PHOX2B: variants seen among roughly 807,000 people sequenced by gnomAD.
The protein encoded by PHOX2B is paired mesoderm homeobox protein 2B.
Under a neutral mutation model 15.5 loss-of-function variants are expected in PHOX2B, and 1 was observed. The observed-to-expected ratio is 0.06, with a 90% CI of 0.02 to 0.31. The LOEUF (loss-of-function observed/expected upper bound fraction) is 0.31, where lower values mean the gene tolerates loss of function less well. PHOX2B is among the 10% of genes least tolerant of loss of function. The pLI, the probability that PHOX2B is intolerant of heterozygous loss-of-function variation, is 1.00. For synonymous variants in PHOX2B, 206 were observed against 190.5 expected, an observed-to-expected ratio of 1.08 and a Z score of -0.67; for missense variants, 314 against 436.4, an observed-to-expected ratio of 0.72 and a Z score of 2.50.
rs1178229775 is a variant in PHOX2B, at chr4:41,748,625, A to G, written c.-15T>C. 2 of 1,612,348 alleles carry G rather than the reference A, an allele frequency of 1.2e-6. No homozygotes were observed. Among genetic ancestry groups the G allele is most frequent in the African/African-American group, 1.3e-5 (1 of 75,030 alleles). On this transcript the variant is annotated 5_prime_UTR_variant, in exon 1 of 3. Transcript: ENST00000226382. Reference sequence around the variant, plus strand: ...ATTTTATACATTGAAAAGGTTCTGGATGGCTCAGCCAAGTGGAAAAATGAA... The same window carrying G: ...ATTTTATACATTGAAAAGGTTCTGGGTGGCTCAGCCAAGTGGAAAAATGAA...
intron 2 of PHOX2B, 40 bp from the exon 3 acceptor site, chr4:41,746,362 G>C (rs989403264): frequency 6.2e-7 from 1 of 1,605,680 alleles, no homozygotes; most frequent in African/African-American, 1.3e-5. Flanking sequence ...AGCAGGGGGA[G>C]AAAGAAGAAA....
In PHOX2B at chr4:41,746,098, G is replaced by T. The variant is rs770437869; in HGVS notation, c.654C>A (p.Pro218=). ...CGANGGGGGG[P]SPAGAPGAAG... is the part of the protein sequence containing the mutation. ...CCGCCCCCGGAGCTCCAGCCGGGCT[G>T]GGCCCGCCGCCGCCGCCTCCATTCG... Residue 218 remains proline, a synonymous_variant, in exon 3 of 3, where the codon CCC becomes CCA. Transcript: ENST00000226382. The T allele has an allele frequency of 9.1e-5, 143 of 1,574,806 alleles. No individual in the cohort carries two copies. The highest frequency in any genetic ancestry group is 1.2e-4 in the Non-Finnish European group (135 of 1,167,240).
Position 41,745,322 on chromosome 4 carries a change from G to A in PHOX2B, c.*485C>T, listed in dbSNP as rs1733848854. Reference sequence around the variant, plus strand: ...GGCTTTTTGTTTTTTAATGGTTTCTGCCTTCCAACTTTTTTGTTTTTATTT... The same window carrying A: ...GGCTTTTTGTTTTTTAATGGTTTCTACCTTCCAACTTTTTTGTTTTTATTT... On this transcript the variant is annotated 3_prime_UTR_variant, in exon 3 of 3. Transcript: ENST00000226382. This position sits in a 1 kb window ranked among gnomAD's most constrained non-coding sequence, Gnocchi z 4.0. The A allele has an allele frequency of 4.3e-6, 1 of 233,900 alleles. No homozygotes were observed. Among genetic ancestry groups the A allele is most frequent in the Non-Finnish European group, 8.4e-6 (1 of 118,494 alleles). 14.5% of individuals were successfully genotyped at this position (233,900 alleles called of 1,614,324 possible).
chr4:41,748,116 T>C (rs1052147784), intron 1 of PHOX2B, among the ~76,000 whole-genome samples: 3 of 152,212 alleles, frequency 2.0e-5, no homozygotes, highest in African/African-American at 7.2e-5. Context: ...CATCGCAAAG[T>C]AAATAAATTA....
At chr4:41,747,831 G>C in intron 1 of PHOX2B, 1 of 595,988 alleles carries the variant, frequency 1.7e-6, no homozygotes, top group Non-Finnish European at 3.1e-6. Flanking sequence ...AAAAACCAGA[G>C]AGGAAAAAAA....
Position 41,747,785 on chromosome 4 carries a change from C to T in PHOX2B, c.242-249G>A, listed in dbSNP as rs534830507. 3 of 673,694 alleles carry T rather than the reference C, an allele frequency of 4.5e-6. No individual in the cohort carries two copies. In the African/African-American group the frequency reaches 5.3e-5, roughly 12 times the overall value. 41.7% of individuals were successfully genotyped at this position (673,694 alleles called of 1,614,324 possible). ...CGCCTTTGGGTGGATTGAAACAGCG[C>T]GATGTGACGGACTTGAGATAGTGCT... is the stretch of plus-strand genomic sequence containing the variant. On this transcript the variant is annotated intron_variant, in intron 1 of 2. Coordinates refer to ENST00000226382, the MANE Select transcript of PHOX2B (RefSeq NM_003924.4).
chr4:41,748,653 A>C lies in PHOX2B; in HGVS notation c.-43T>G. ...GCTCAGCCAAGTGGAAAAATGAAAT[A>C]AAAGATGGATATGGAGAAGGTGGCT... is the stretch of plus-strand genomic sequence containing the variant. On this transcript the variant is annotated 5_prime_UTR_variant, in exon 1 of 3. Transcript: ENST00000226382. The C allele has an allele frequency of 6.3e-7, 1 of 1,599,086 alleles. No individual in the cohort carries two copies. Among genetic ancestry groups the C allele is most frequent in the East Asian group, 2.2e-5 (1 of 44,778 alleles).
Position 41,746,097 on chromosome 4 carries a change from T to C in PHOX2B, c.655A>G (p.Ser219Gly), listed in dbSNP as rs1560465666. The C allele has an allele frequency of 1.9e-6, 3 of 1,571,436 alleles. No individual in the cohort carries two copies. Among genetic ancestry groups the C allele is most frequent in the East Asian group, 2.4e-5 (1 of 41,908 alleles). ...GANGGGGGGPSPAGAPGAAGP... is the reference protein window; with the variant it reads ...GANGGGGGGPGPAGAPGAAGP... ...GCCGCCCCCGGAGCTCCAGCCGGGC[T>C]GGGCCCGCCGCCGCCGCCTCCATTC... Residue 219 changes from serine to glycine, a missense_variant, in exon 3 of 3, where the codon AGC becomes GGC. Around this residue, in one of 7 missense-constraint regions of PHOX2B, gnomAD observed 157 missense variants for 169.0 expected, o/e 0.93. Transcript: ENST00000226382.
Position 41,745,777 on chromosome 4 carries a change from C to CCG in PHOX2B, c.*28_*29dup. 1 of 1,522,852 alleles carries CCG rather than the reference C, an allele frequency of 6.6e-7. No homozygotes were observed. Among genetic ancestry groups the CCG allele is most frequent in the Non-Finnish European group, 8.9e-7 (1 of 1,128,478 alleles). 94.3% of individuals were successfully genotyped at this position (1,522,852 alleles called of 1,614,324 possible). A position where few individuals can be genotyped will look rare whatever the true frequency, so the allele number is the denominator to read the frequency against. On this transcript the variant is annotated 3_prime_UTR_variant, in exon 3 of 3. Coordinates refer to ENST00000226382, the MANE Select transcript of PHOX2B (RefSeq NM_003924.4). The surrounding 1 kb of genome is among the most constrained non-coding windows in gnomAD (Gnocchi z 4.0). Reference sequence around the variant, plus strand: ...CCGGGCCCTGGCTCGCCCGCTGTCGCCGCCGCCGCCGCCGCCGCAGGATTC... The same window carrying CCG: ...CCGGGCCCTGGCTCGCCCGCTGTCGCCGCGCCGCCGCCGCCGCCGCAGGATTC...
chr4:41,748,067 T>C (rs749005952), intron 1 of PHOX2B, among the ~76,000 whole-genome samples: 1 of 152,230 alleles, frequency 6.6e-6, no homozygotes, highest in Non-Finnish European at 1.5e-5. Flanking sequence ...TAATGAGCTT[T>C]ACTCTTTGTT....
chr4:41,747,543 T>C lies in PHOX2B; in HGVS notation c.242-7A>G, dbSNP rs1194493882. The C allele has an allele frequency of 1.2e-6, 2 of 1,603,690 alleles. No individual in the cohort carries two copies. The highest frequency in any genetic ancestry group is 4.5e-5 in the East Asian group (2 of 44,848). On this transcript the variant is annotated splice_polypyrimidine_tract_variant and splice_region_variant and intron_variant, in intron 1 of 2. Coordinates refer to ENST00000226382, the MANE Select transcript of PHOX2B (RefSeq NM_003924.4). ...GTGAAGAGTTTGTAAGGAACTAGAG[T>C]ATGACAGAGGAGACAGAAAGTGAGC...
At chr4:41,748,130 C>G (rs559106228) in intron 1 of PHOX2B, among the ~76,000 whole-genome samples, 1 of 152,266 alleles carries the variant, frequency 6.6e-6, no homozygotes, top group Admixed American at 6.5e-5. Context: ...TAAATTATGC[C>G]TATCATTTTG....
rs1462979811 is a variant in PHOX2B, at chr4:41,746,208, C to T, written c.544G>A (p.Asp182Asn). ...GTGCTCTTGGCCTCTTTGCTCTCGT[C>T]GTCCCTGGAAGAGTCAGACTTTTTG... ...SGKKSDSSRD[D>N]ESKEAKSTDP... Residue 182 changes from aspartate (D) to asparagine (N), a missense_variant, in exon 3 of 3, where the codon GAC (aspartate) becomes AAC (asparagine). By Grantham distance (23) the Asp-to-Asn change is conservative. Transcript: ENST00000226382. The T allele has an allele frequency of 1.2e-6, 2 of 1,613,882 alleles. No individual in the cohort carries two copies. Among genetic ancestry groups the T allele is most frequent in the South Asian group, 1.1e-5 (1 of 91,090 alleles).
In PHOX2B at chr4:41,748,387, C is replaced by T; in HGVS notation, c.224G>A (p.Ser75Asn). 6.2e-7 allele frequency: 1 copy of T among 1,614,208 alleles called. No individual in the cohort carries two copies. Among genetic ancestry groups the T allele is most frequent in the South Asian group, 1.1e-5 (1 of 91,086 alleles). Residue 75 changes from serine (S) to asparagine (N), a missense_variant, in exon 1 of 3, where the codon AGC (serine) becomes AAC (asparagine). Transcript: ENST00000226382. ...CSLGTLRDHQ[S>N]SPYAAVPYKL... is the part of the protein sequence containing the mutation. Reference sequence around the variant, plus strand: ...GTCCTTACCTGCGGCGTACGGACTGCTCTGGTGGTCCCTGAGGGTGCCCAG... The same window carrying T: ...GTCCTTACCTGCGGCGTACGGACTGTTCTGGTGGTCCCTGAGGGTGCCCAG...
rs1733894415 is a variant in PHOX2B, at chr4:41,746,202, T to C, written c.550A>G (p.Ser184Gly). The part of the protein sequence containing the change: ...KKSDSSRDDE[S>G]KEAKSTDPDS... ...GGGTCAGTGCTCTTGGCCTCTTTGCTCTCGTCGTCCCTGGAAGAGTCAGAC... is the reference window on the plus strand; with the variant it reads ...GGGTCAGTGCTCTTGGCCTCTTTGCCCTCGTCGTCCCTGGAAGAGTCAGAC... Residue 184 changes from serine to glycine, a missense_variant, in exon 3 of 3, where the codon AGC becomes GGC. Coordinates refer to ENST00000226382, the MANE Select transcript of PHOX2B (RefSeq NM_003924.4). 9.3e-6 allele frequency: 15 copies of C among 1,613,644 alleles called. No homozygotes were observed. In the East Asian group the frequency reaches 3.3e-4, roughly 36 times the overall value.
rs2153113087 is a variant in PHOX2B, at chr4:41,748,606, T to C, written c.5A>G (p.Tyr2Cys). Residue 2 changes from tyrosine to cysteine, a missense_variant, in exon 1 of 3, where the codon TAT becomes TGT. Coordinates refer to ENST00000226382, the MANE Select transcript of PHOX2B (RefSeq NM_003924.4). Reference sequence around the variant, plus strand: ...ATTGAGGTAAGAATATTCCATTTTATACATTGAAAAGGTTCTGGATGGCTC... The same window carrying C: ...ATTGAGGTAAGAATATTCCATTTTACACATTGAAAAGGTTCTGGATGGCTC... M[Y>C]KMEYSYLNSS... is the part of the protein sequence containing the mutation. 6.2e-7 allele frequency: 1 copy of C among 1,613,380 alleles called. No individual in the cohort carries two copies. Among genetic ancestry groups the C allele is most frequent in the Non-Finnish European group, 8.5e-7 (1 of 1,179,330 alleles).
At position 41,744,933 on chromosome 4, in the gene PHOX2B, A is replaced by C. The variant is rs1218484387; in HGVS notation, c.*874T>G. The C allele has an allele frequency of 3.0e-5, 7 of 233,266 alleles. No individual in the cohort carries two copies. Among genetic ancestry groups the C allele is most frequent in the Non-Finnish European group, 8.5e-6 (1 of 118,076 alleles). The allele number at this position is 233,266 out of a possible 1,614,324, so 14.4% of individuals were successfully genotyped here. ...TGGATAGGGCATCTTTCAGGGCCGAACGGCTGCAAAGATTCGGGGTTGGGA... is the reference window on the plus strand; with the variant it reads ...TGGATAGGGCATCTTTCAGGGCCGACCGGCTGCAAAGATTCGGGGTTGGGA... On this transcript the variant is annotated 3_prime_UTR_variant, in exon 3 of 3. Transcript: ENST00000226382.
Position 41,748,521 on chromosome 4 carries a change from A to G in PHOX2B, c.90T>C (p.Tyr30=), listed in dbSNP as rs200038327. 1 of 1,614,232 alleles carries G rather than the reference A, an allele frequency of 6.2e-7. No homozygotes were observed. Among genetic ancestry groups the G allele is most frequent in the East Asian group, 2.2e-5 (1 of 44,882 alleles). Residue 30 remains tyrosine, a synonymous_variant, in exon 1 of 3, where the codon TAT becomes TAC. Coordinates refer to ENST00000226382, the MANE Select transcript of PHOX2B (RefSeq NM_003924.4). ...GMDTSSLASA[Y]ADFSSCSQAS... ...CCTGGCTGCAGGAACTGAAGTCAGC[A>G]TAGGCTGAAGCCAGGCTCGAGGTGT...
At chr4:41,747,279 C>T (rs1733937339) in intron 2 of PHOX2B, 70 bp downstream of exon 2, 9 of 1,324,906 alleles carry the variant, frequency 6.8e-6, no homozygotes, top group South Asian at 4.7e-5. Flanking sequence ...CGAATTTCAC[C>T]AGCCGCCCCT....
Sources: gnomAD v4.1 joint callset for allele counts (sites outside exome capture counted in the v4.1 genomes callset) on GRCh38, gnomAD v4.1.1 for gene constraint, gnomAD v4.1.1 regional missense constraint, Gnocchi (gnomAD v3.1) non-coding constraint, MANE v1.5 for transcripts, NCBI Gene and HGNC (gene_info 2026-07-23, HGNC 2026-07-21) for gene names.